Variants in OSBPL6 observed in about 807,000 individuals in gnomAD.
OSBPL6 encodes the protein oxysterol-binding protein-related protein 6.
Under a neutral mutation model 125.8 loss-of-function variants are expected in OSBPL6, and 49 were observed. The ratio of observed to expected loss-of-function variants is 0.39; its 90% CI spans 0.31 to 0.49. The LOEUF (loss-of-function observed/expected upper bound fraction) is 0.49. Among genes scored for constraint, OSBPL6 ranks in the 20% least tolerant of loss-of-function variants. The pLI is 0.88. For synonymous variants in OSBPL6, 394 were observed against 391.8 expected, an observed-to-expected ratio of 1.01 and a Z score of -0.07; for missense variants, 986 against 1,135.4, an observed-to-expected ratio of 0.87 and a Z score of 1.89.
At chr2:178,260,713 C>A (rs1382525029) in intron 1 of OSBPL6, among the ~76,000 whole-genome samples, 4 of 152,144 alleles carry the variant, frequency 2.6e-5, no homozygotes, top group African/African-American at 9.7e-5. Context: ...TTGGAAATAA[C>A]AAGAGATTTT....
intron 1 of OSBPL6, among the ~76,000 whole-genome samples, chr2:178,197,539 T>A (rs1459543736): frequency 6.6e-6 from 1 of 152,212 alleles, no homozygotes; most frequent in Non-Finnish European, 1.5e-5. Context: ...CCAAACCCTA[T>A]GTATATGCTT....
intron 1 of OSBPL6, among the ~76,000 whole-genome samples, chr2:178,268,245 C>A (rs1271929869): frequency 6.6e-6 from 1 of 152,050 alleles, no homozygotes; most frequent in Non-Finnish European, 1.5e-5. Context: ...CCATGCCCAG[C>A]TAATTTTTGT....
intron 1 of OSBPL6, among the ~76,000 whole-genome samples, chr2:178,233,279 A>G (rs2153982831): frequency 6.6e-6 from 1 of 152,356 alleles, no homozygotes; most frequent in East Asian, 1.9e-4. Flanking sequence ...TACACAGTAA[A>G]GGTGAAGTTA....
At chr2:178,301,647 G>A (rs1209173071) in intron 2 of OSBPL6, among the ~76,000 whole-genome samples, 1 of 151,964 alleles carries the variant, frequency 6.6e-6, no homozygotes, top group Non-Finnish European at 1.5e-5. Context: ...CTACTGCCTC[G>A]CCTACTGGGA....
At chr2:178,374,106 T>G (rs1693652666) in intron 15 of OSBPL6, 79 bp downstream of exon 15, 9 of 1,483,890 alleles carry the variant, frequency 6.1e-6, no homozygotes, top group Admixed American at 2.1e-5. Flanking sequence ...CTGTGGAACT[T>G]TTTGGTGATT....
chr2:178,357,828 C>A (rs1691951174), intron 12 of OSBPL6, among the ~76,000 whole-genome samples: 3 of 152,172 alleles, frequency 2.0e-5, no homozygotes, highest in Non-Finnish European at 4.4e-5. Flanking sequence ...AGTCTTGGAA[C>A]CAACCCAAAT....
chr2:178,323,102 A>G (rs1010193122), intron 3 of OSBPL6, among the ~76,000 whole-genome samples: 2 of 152,144 alleles, frequency 1.3e-5, no homozygotes, highest in Admixed American at 1.3e-4. Context: ...TAAGGCATGT[A>G]CTTTTTTTCC....
chr2:178,380,437 G>A (rs147328428), intron 15 of OSBPL6, among the ~76,000 whole-genome samples: 1 of 112,272 alleles, frequency 8.9e-6, no homozygotes, highest in African/African-American at 3.4e-5. Context: ...AGCCTGGGCA[G>A]CAGAGTAAGA....
At position 178,231,968 on chromosome 2, in the gene OSBPL6, A is replaced by G. The variant is rs530976659; in HGVS notation, c.-351+37294A>G. ...TTAAACACGGTTAATTCTTGTTGAAATTTCCATGTCTTTGATAATCATCTT... is the reference window on the plus strand; with the variant it reads ...TTAAACACGGTTAATTCTTGTTGAAGTTTCCATGTCTTTGATAATCATCTT... On this transcript the variant is annotated intron_variant, in intron 1 of 24. Transcript: ENST00000190611. Among the ~76,000 whole-genome samples the G allele has an allele frequency of 8.5e-5, 13 of 152,220 alleles. No individual in the cohort carries two copies. The South Asian group carries it at 2.7e-3, about 32-fold the overall frequency.
At chr2:178,285,557 G>A (rs2154033301) in intron 2 of OSBPL6, among the ~76,000 whole-genome samples, 1 of 152,292 alleles carries the variant, frequency 6.6e-6, no homozygotes, top group African/African-American at 2.4e-5. Context: ...TAAACAATGA[G>A]ACAGTCAACT....
At chr2:178,288,834 G>T (rs1318317763) in intron 2 of OSBPL6, among the ~76,000 whole-genome samples, 1 of 151,466 alleles carries the variant, frequency 6.6e-6, no homozygotes, top group Non-Finnish European at 1.5e-5. Flanking sequence ...ATTTTCAGTA[G>T]ACACGGGGTT....
intron 5 of OSBPL6, among the ~76,000 whole-genome samples, chr2:178,330,374 G>A (rs775723693): frequency 1.3e-5 from 2 of 152,144 alleles, no homozygotes; most frequent in African/African-American, 4.8e-5. Context: ...ATAACAGGAG[G>A]GCCTGCTTTG....
chr2:178,336,181 A>G lies in OSBPL6; in HGVS notation c.658-120A>G, dbSNP rs1574903078. ...CACATTTAGCCAAGAGGCTTCTTCC[A>G]TGTTTTGAGTGTGCATTTTCTTCCT... On this transcript the variant is annotated intron_variant, in intron 8 of 24. Transcript: ENST00000190611. 38 of 1,282,786 alleles carry G rather than the reference A, an allele frequency of 3.0e-5. 1 individual carries two copies. The East Asian group carries it at 9.0e-4, about 30-fold the overall frequency. 79.5% of individuals were successfully genotyped at this position (1,282,786 alleles called of 1,614,324 possible).
At chr2:178,345,152 A>G (rs1690583395) in intron 11 of OSBPL6, among the ~76,000 whole-genome samples, 1 of 152,250 alleles carries the variant, frequency 6.6e-6, no homozygotes, top group South Asian at 2.1e-4. Context: ...TTGTTTAATC[A>G]TGAGCACCTA....
At chr2:178,309,601 C>T (rs1687085016) in intron 3 of OSBPL6, among the ~76,000 whole-genome samples, 1 of 152,212 alleles carries the variant, frequency 6.6e-6, no homozygotes, top group Admixed American at 6.5e-5. Context: ...CCTGTGATCT[C>T]AGTAAGTGTT....
chr2:178,269,126 T>C (rs1181873153), intron 1 of OSBPL6, among the ~76,000 whole-genome samples: 1 of 152,196 alleles, frequency 6.6e-6, no homozygotes, highest in Non-Finnish European at 1.5e-5. Flanking sequence ...TAATACCATT[T>C]ACCAGTTTAT....
At chr2:178,236,143 T>A (rs2091043202) in intron 1 of OSBPL6, among the ~76,000 whole-genome samples, 4 of 152,180 alleles carry the variant, frequency 2.6e-5, no homozygotes, top group Non-Finnish European at 5.9e-5. Context: ...AAAAATTAAA[T>A]TATCCCTTTA....
intron 1 of OSBPL6, among the ~76,000 whole-genome samples, chr2:178,220,667 T>G (rs2090300362): frequency 6.6e-6 from 1 of 152,220 alleles, no homozygotes; most frequent in African/African-American, 2.4e-5. Flanking sequence ...TATCTCATAG[T>G]ACACATCCTT....
chr2:178,289,110 TG>T (rs1359248540), intron 2 of OSBPL6, among the ~76,000 whole-genome samples: 2 of 150,546 alleles, frequency 1.3e-5, no homozygotes, highest in African/African-American at 4.9e-5. Flanking sequence ...CTCTGCCTTC[TG>T]GGCTTAAGCG....
Sources: allele counts gnomAD v4.1 joint callset (sites outside exome capture counted in the v4.1 genomes callset), GRCh38; gene constraint gnomAD v4.1.1; transcripts MANE v1.5; gene names NCBI Gene and HGNC (gene_info 2026-07-23, HGNC 2026-07-21).